TSPAN18: variants seen among roughly 807,000 people sequenced by gnomAD.
TSPAN18 encodes the protein tetraspanin 18.
In TSPAN18, 14 loss-of-function variants were observed where a neutral mutation model predicts 27.3. The observed-to-expected ratio is 0.51, with a 90% CI of 0.34 to 0.80. The LOEUF (loss-of-function observed/expected upper bound fraction) is 0.80, where lower values mean the gene tolerates loss of function less well. Ranked by LOEUF, TSPAN18 falls within the 30% of genes least tolerant of loss-of-function variation. The probability of loss-of-function intolerance (pLI) is 0.01; values close to 1 mark genes in which losing one functional copy is unlikely to be tolerated. For synonymous variants in TSPAN18, 143 were observed against 136.5 expected (o/e 1.05, Z -0.33); for missense variants, 268 against 323.9 (o/e 0.83, Z 1.32).
intron 8 of TSPAN18, among the ~76,000 whole-genome samples, chr11:44,924,966 G>A (rs1310095401): frequency 6.6e-6 from 1 of 152,160 alleles, no homozygotes; most frequent in Non-Finnish European, 1.5e-5. Context: ...ATGGACCCTG[G>A]GCCTCACTGA....
At chr11:44,791,251 C>T (rs1462457022) in intron 2 of TSPAN18, among the ~76,000 whole-genome samples, 2 of 152,210 alleles carry the variant, frequency 1.3e-5, no homozygotes, top group African/African-American at 4.8e-5. Flanking sequence ...TAGTGCTAGC[C>T]CTTGGCAGAC....
intron 5 of TSPAN18, 144 bp from the exon 6 acceptor site, chr11:44,917,828 A>T (rs771314385): frequency 1.7e-5 from 11 of 663,010 alleles, no homozygotes; most frequent in African/African-American, 3.6e-5. Flanking sequence ...GTTATGAAAA[A>T]TGTCTGATAG....
At chr11:44,919,351 CA>C (rs1860038653) in intron 7 of TSPAN18, 39 bp downstream of exon 7, 1 of 1,535,872 alleles carries the variant, frequency 6.5e-7, no homozygotes, top group Non-Finnish European at 9.0e-7. Flanking sequence ...CATTCAGAGC[CA>C]CGATGCCCAG....
intron 3 of TSPAN18, among the ~76,000 whole-genome samples, chr11:44,900,964 G>T (rs2135310725): frequency 6.6e-6 from 1 of 152,154 alleles, no homozygotes; most frequent in South Asian, 2.1e-4. Flanking sequence ...CAAAGTGCTG[G>T]GATTACAAGC....
chr11:44,923,940 A>G (rs1860242672), intron 8 of TSPAN18, among the ~76,000 whole-genome samples: 1 of 152,174 alleles, frequency 6.6e-6, no homozygotes, highest in African/African-American at 2.4e-5. Flanking sequence ...TGATAGGGGA[A>G]GATGAGCTGT....
intron 2 of TSPAN18, among the ~76,000 whole-genome samples, chr11:44,804,670 C>T (rs899041076): frequency 2.0e-5 from 3 of 152,266 alleles, no homozygotes; most frequent in African/African-American, 4.8e-5. Flanking sequence ...TTCAGAGCTC[C>T]CCTCTGGTAG....
rs560807471 is a variant in TSPAN18, at chr11:44,907,176, G to T, written c.63+697G>T. Among the ~76,000 whole-genome samples the T allele has an allele frequency of 3.3e-5, 5 of 152,256 alleles. 1 individual carries two copies. In the South Asian group the frequency reaches 1.0e-3, roughly 32 times the overall value. Reference sequence around the variant, plus strand: ...GGACATTCAGGTGGCCGGCCCACCTGCTGGCGGCCCACCCACATGCTGAGC... The same window carrying T: ...GGACATTCAGGTGGCCGGCCCACCTTCTGGCGGCCCACCCACATGCTGAGC... On this transcript the variant is annotated intron_variant, in intron 4 of 9. Coordinates refer to ENST00000520358, the MANE Select transcript of TSPAN18 (RefSeq NM_130783.5).
chr11:44,882,627 C>CACACACAG (rs375349718), intron 3 of TSPAN18, among the ~76,000 whole-genome samples: 3,237 of 130,598 alleles, frequency 0.025, 69 homozygotes, highest in Non-Finnish European at 0.028. Flanking sequence ...CACACACACA[C>CACACACAG]AGAGAGAGAG....
intron 2 of TSPAN18, among the ~76,000 whole-genome samples, chr11:44,859,287 TC>T (rs1857815679): frequency 6.6e-6 from 1 of 152,198 alleles, no homozygotes; most frequent in South Asian, 2.1e-4. Flanking sequence ...AGTCTGGTGT[TC>T]CAGGTCCCCT....
chr11:44,909,509 G>A (rs1352761985), intron 4 of TSPAN18, 196 bp from the exon 5 acceptor site: 6 of 576,072 alleles, frequency 1.0e-5, no homozygotes, highest in African/African-American at 1.9e-5. Flanking sequence ...TTAAGGTCAC[G>A]GCAGCTAGAA....
At chr11:44,775,722 G>A (rs1359934201) in intron 2 of TSPAN18, among the ~76,000 whole-genome samples, 1 of 152,224 alleles carries the variant, frequency 6.6e-6, no homozygotes, top group Non-Finnish European at 1.5e-5. Flanking sequence ...AGGGAGCAAG[G>A]GCTTGAGGAT....
intron 2 of TSPAN18, among the ~76,000 whole-genome samples, chr11:44,802,738 C>T (rs1856510972): frequency 6.6e-6 from 1 of 152,026 alleles, no homozygotes; most frequent in Non-Finnish European, 1.5e-5. Flanking sequence ...ATGAAAGGTC[C>T]AGTTTGTCCA....
Position 44,919,846 on chromosome 11 carries a change from A to G in TSPAN18, c.462A>G (p.Glu154=), listed in dbSNP as rs765481103. ...GTTGCTGCGGGGTCAACGGGCCTGA[A>G]GACTTTAAGTTTGCATCTGTGTTTC... ...TFGCCGVNGP[E]DFKFASVFRL... Residue 154 remains glutamate, a synonymous_variant, in exon 8 of 10, where the codon GAA becomes GAG. Transcript: ENST00000520358. The G allele has an allele frequency of 1.2e-6, 2 of 1,614,124 alleles. No homozygotes were observed. Among genetic ancestry groups the G allele is most frequent in the Non-Finnish European group, 1.7e-6 (2 of 1,180,002 alleles).
intron 2 of TSPAN18, among the ~76,000 whole-genome samples, chr11:44,803,897 C>A (rs753914991): frequency 3.9e-5 from 6 of 152,180 alleles, no homozygotes; most frequent in Admixed American, 2.6e-4. Context: ...ACTCCGTCAG[C>A]CTTCCAACAT....
At chr11:44,874,726 C>G (rs1043522258) in intron 3 of TSPAN18, among the ~76,000 whole-genome samples, 1 of 152,166 alleles carries the variant, frequency 6.6e-6, no homozygotes, top group African/African-American at 2.4e-5. Flanking sequence ...TATGGCTGGC[C>G]GGGCCTGGCA....
chr11:44,809,794 A>G (rs1856675143), intron 2 of TSPAN18, among the ~76,000 whole-genome samples: 1 of 152,214 alleles, frequency 6.6e-6, no homozygotes, highest in Non-Finnish European at 1.5e-5. Context: ...TGGGTTTGTT[A>G]TGGGGAATAA....
chr11:44,777,440 A>G (rs1332636206), intron 2 of TSPAN18, among the ~76,000 whole-genome samples: 1 of 152,148 alleles, frequency 6.6e-6, no homozygotes, highest in Non-Finnish European at 1.5e-5. Flanking sequence ...ACTTATGCCA[A>G]GCTGCTGCCT....
At chr11:44,847,083 G>T (rs889281130) in intron 2 of TSPAN18, among the ~76,000 whole-genome samples, 2 of 152,222 alleles carry the variant, frequency 1.3e-5, no homozygotes, top group Non-Finnish European at 2.9e-5. Flanking sequence ...GCAGGGCTGT[G>T]TGGCTCCAAG....
At chr11:44,900,009 G>T (rs916466658) in intron 3 of TSPAN18, among the ~76,000 whole-genome samples, 1 of 152,126 alleles carries the variant, frequency 6.6e-6, no homozygotes, top group African/African-American at 2.4e-5. Flanking sequence ...TTTTCTTCTC[G>T]CCCCACCCTC....
Sources: allele counts gnomAD v4.1 joint callset (sites outside exome capture counted in the v4.1 genomes callset), GRCh38; gene constraint gnomAD v4.1.1; transcripts MANE v1.5; gene names NCBI Gene and HGNC (gene_info 2026-07-23, HGNC 2026-07-21).